Variants in DCHS2 observed in about 807,000 individuals in gnomAD.
DCHS2 encodes the protein protocadherin-23.
A neutral mutation model predicts 182.4 loss-of-function variants in DCHS2; 142 were observed. That is an observed-to-expected ratio of 0.78 (90% CI 0.68 to 0.89). DCHS2 has a LOEUF of 0.89. Among genes scored for constraint, DCHS2 ranks in the 40% least tolerant of loss-of-function variants. DCHS2 has a pLI of 0.00. For synonymous variants in DCHS2, 1,740 were observed against 1,663.3 expected, an observed-to-expected ratio of 1.05 and a Z score of -1.12; for missense variants, 4,319 against 4,198.6, an observed-to-expected ratio of 1.03 and a Z score of -0.79.
intron 1 of DCHS2, among the ~76,000 whole-genome samples, chr4:154,425,553 T>C (rs1291810926): frequency 2.6e-5 from 4 of 152,198 alleles, no homozygotes; most frequent in Non-Finnish European, 5.9e-5. Context: ...ACATGGTAGT[T>C]AGCTCATTTG....
intron 3 of DCHS2, among the ~76,000 whole-genome samples, chr4:154,339,608 C>A (rs1246048798): frequency 2.6e-5 from 4 of 152,036 alleles, no homozygotes; most frequent in Non-Finnish European, 5.9e-5. Flanking sequence ...TACCATCACG[C>A]CTAGCTAATT....
intron 3 of DCHS2, among the ~76,000 whole-genome samples, chr4:154,341,331 T>C (rs1729083698): frequency 7.1e-6 from 1 of 141,780 alleles, no homozygotes; most frequent in African/African-American, 2.7e-5. Context: ...ACCGCGCCAC[T>C]GCACTCCAGC....
At position 154,333,199 on chromosome 4, in the gene DCHS2, C is replaced by A; in HGVS notation, c.3009G>T (p.Ala1003=). Residue 1003 remains alanine (A), a synonymous_variant, in exon 5 of 20, where the codon GCG becomes GCT. Coordinates refer to ENST00000357232, the MANE Select transcript of DCHS2 (RefSeq NM_001358235.2). Reference sequence around the variant, plus strand: ...CGTTCCGCCCACTGTCTCTGTCTTCCGCACGTGCGAGGTACAAGGCTGTGC... The same window carrying A: ...CGTTCCGCCCACTGTCTCTGTCTTCAGCACGTGCGAGGTACAAGGCTGTGC... ...PPGTALYLAR[A]EDRDSGRNGL... is the part of the protein sequence containing the mutation. 1.2e-6 allele frequency: 2 copies of A among 1,614,202 alleles called. No individual in the cohort carries two copies. The highest frequency in any genetic ancestry group is 1.1e-5 in the South Asian group (1 of 91,086).
At chr4:154,390,851 G>A (rs1010504331) in intron 1 of DCHS2, among the ~76,000 whole-genome samples, 2 of 152,034 alleles carry the variant, frequency 1.3e-5, no homozygotes, top group African/African-American at 2.4e-5. Flanking sequence ...ATCCATGACC[G>A]AATATTTTCA....
In DCHS2 at chr4:154,333,176, T is replaced by G. The variant is rs768658103; in HGVS notation, c.3032A>C (p.Asn1011Thr). ...GGCGATGGAGTACCGGATGAGTCCG[T>G]TCCGCCCACTGTCTCTGTCTTCCGC... ...ARAEDRDSGR[N>T]GLIRYSIASP... Residue 1011 changes from asparagine (N) to threonine (T), a missense_variant, in exon 5 of 20, where the codon AAC becomes ACC. By Grantham distance (65) the Asn-to-Thr change is moderately conservative. Transcript: ENST00000357232. 6.2e-7 allele frequency: 1 copy of G among 1,614,214 alleles called. No homozygotes were observed. The highest frequency in any genetic ancestry group is 1.3e-5 in the African/African-American group (1 of 75,066).
intron 13 of DCHS2, among the ~76,000 whole-genome samples, chr4:154,293,081 TC>T (rs1044561741): frequency 6.6e-6 from 1 of 152,206 alleles, no homozygotes; most frequent in African/African-American, 2.4e-5. Context: ...CCCTCCCTCT[TC>T]CTTCACCCTT....
Position 154,236,117 on chromosome 4 carries a change from G to A in DCHS2, c.8535C>T (p.Gly2845=). Residue 2845 remains glycine, a synonymous_variant, in exon 20 of 20, where the codon GGC becomes GGT. Transcript: ENST00000357232. Reference sequence around the variant, plus strand: ...CTTGGACTGTGAGGCAGTATTTATTGCCATTTTCATAGTCAAGGATTTGCT... The same window carrying A: ...CTTGGACTGTGAGGCAGTATTTATTACCATTTTCATAGTCAAGGATTTGCT... The part of the protein sequence containing the change: ...HAKQILDYEN[G]NKYCLTVQAK... The A allele has an allele frequency of 1.2e-6, 2 of 1,613,642 alleles. No homozygotes were observed. The highest frequency in any genetic ancestry group is 1.7e-6 in the Non-Finnish European group (2 of 1,179,922).
chr4:154,271,147 G>T (rs1733571674), intron 13 of DCHS2, among the ~76,000 whole-genome samples: 1 of 152,140 alleles, frequency 6.6e-6, no homozygotes. Context: ...AAATAAGGCA[G>T]GAGTGGGGAA....
rs1449707642 is a variant in DCHS2 at position 154,320,857 on chromosome 4, G to GAGCT, written c.4538_4541dup (p.Ile1515AlafsTer24). 58 of 1,613,930 alleles carry GAGCT rather than the reference G, an allele frequency of 3.6e-5. No homozygotes were observed. The highest frequency in any genetic ancestry group is 4.8e-5 in the Non-Finnish European group (57 of 1,179,988). On this transcript the variant is annotated frameshift_variant, in exon 9 of 20. Coordinates refer to ENST00000357232, the MANE Select transcript of DCHS2 (RefSeq NM_001358235.2). LOFTEE classifies it high-confidence loss of function. ...CATTCTCCTCTACACTGATCACAAT[G>GAGCT]AGCTCATCCTGGAAAGATGGGGAAT... is the stretch of plus-strand genomic sequence containing the variant.
At chr4:154,408,398 G>A (rs1732485014) in intron 1 of DCHS2, among the ~76,000 whole-genome samples, 1 of 152,172 alleles carries the variant, frequency 6.6e-6, no homozygotes, top group African/African-American at 2.4e-5. Flanking sequence ...ACTTTCATAG[G>A]AGATCAATCT....
intron 1 of DCHS2, among the ~76,000 whole-genome samples, chr4:154,380,340 G>A (rs142216490): frequency 6.6e-6 from 1 of 152,188 alleles, no homozygotes; most frequent in Admixed American, 6.5e-5. Context: ...CAGTTGGGCT[G>A]AAGCAGGAAA....
At chr4:154,382,500 G>A (rs868765935) in intron 1 of DCHS2, among the ~76,000 whole-genome samples, 45 of 151,766 alleles carry the variant, frequency 3.0e-4, no homozygotes, top group African/African-American at 1.0e-3. Flanking sequence ...AAGTGGAATC[G>A]AATTAAACTA....
intron 3 of DCHS2, among the ~76,000 whole-genome samples, chr4:154,365,042 T>C (rs1730287434): frequency 6.6e-6 from 1 of 152,230 alleles, no homozygotes; most frequent in South Asian, 2.1e-4. Context: ...ACCAATATTT[T>C]GTTAGCAACA....
intron 7 of DCHS2, chr4:154,323,331 T>C: frequency 6.6e-7 from 1 of 1,516,906 alleles, no homozygotes. Context: ...TAGGTCTAGC[T>C]GCCAAAAAAA....
chr4:154,491,582 G>A lies in DCHS2; in HGVS notation c.-227C>T, dbSNP rs1728839286. The A allele has an allele frequency of 2.2e-6, 3 of 1,341,942 alleles. No individual in the cohort carries two copies. The highest frequency in any genetic ancestry group is 2.9e-5 in the East Asian group (1 of 34,672). 83.1% of individuals were successfully genotyped at this position (1,341,942 alleles called of 1,614,324 possible). ...AGTAAGCTCTAGCTGCCTCTGCCGC[G>A]GCAGCCACCTCTTCTGCCCCTGGAT... On this transcript the variant is annotated 5_prime_UTR_variant, in exon 1 of 20. Coordinates refer to ENST00000357232, the MANE Select transcript of DCHS2 (RefSeq NM_001358235.2).
rs79181855 is a variant in DCHS2 at position 154,243,373 on chromosome 4, A to G, written c.6942-601T>C. On this transcript the variant is annotated intron_variant, in intron 16 of 19. Coordinates refer to ENST00000357232, the MANE Select transcript of DCHS2 (RefSeq NM_001358235.2). ...TGATCTGAAAGAATTTACATAGACTAATTTAATCTCTCTTGGATGATGCTA... is the reference window on the plus strand; with the variant it reads ...TGATCTGAAAGAATTTACATAGACTGATTTAATCTCTCTTGGATGATGCTA... 9.2e-3 allele frequency among the ~76,000 whole-genome samples: 1,406 copies of G among 152,326 alleles called. 14 individuals are homozygous for G. Among genetic ancestry groups the G allele is most frequent in the Non-Finnish European group, 0.015 (1,031 of 68,026 alleles).
chr4:154,490,301 TCGC>T lies in DCHS2; in HGVS notation c.1052_1054del (p.Gly351del). 6.5e-7 allele frequency: 1 copy of T among 1,546,574 alleles called. No individual in the cohort carries two copies. Among genetic ancestry groups the T allele is most frequent in the Non-Finnish European group, 8.7e-7 (1 of 1,146,562 alleles). ...CTCCTCCACCGCGAAGTAGGCCGCGTCGCCCAGTGCCCCGCCGCCGCTACCCGC... is the reference window on the plus strand; with the variant it reads ...CTCCTCCACCGCGAAGTAGGCCGCGTCCAGTGCCCCGCCGCCGCTACCCGC... On this transcript the variant is annotated inframe_deletion, in exon 1 of 20. Coordinates refer to ENST00000357232, the MANE Select transcript of DCHS2 (RefSeq NM_001358235.2).
At chr4:154,469,663 A>G (rs1286095466) in intron 1 of DCHS2, among the ~76,000 whole-genome samples, 1 of 152,122 alleles carries the variant, frequency 6.6e-6, no homozygotes, top group Non-Finnish European at 1.5e-5. Flanking sequence ...TTTGATCACA[A>G]AGCTCCAACA....
Position 154,384,391 on chromosome 4 carries a change from C to T in DCHS2, c.2053-6947G>A, listed in dbSNP as rs376998218. On this transcript the variant is annotated intron_variant, in intron 1 of 19. Coordinates refer to ENST00000357232, the MANE Select transcript of DCHS2 (RefSeq NM_001358235.2). ...ACCTCAGTTTCCTTCACTGGTTTTG[C>T]GTTCTCTTCCTGGCTTCTGAACACT... The T allele has an allele frequency of 2.2e-5, 36 of 1,613,266 alleles. No homozygotes were observed. The Middle Eastern group carries it at 1.8e-3, about 81-fold the overall frequency.
Sources: allele counts gnomAD v4.1 joint callset (sites outside exome capture counted in the v4.1 genomes callset), GRCh38; gene constraint gnomAD v4.1.1; transcripts MANE v1.5; gene names NCBI Gene and HGNC (gene_info 2026-07-23, HGNC 2026-07-21).